The following ACAT1 variants were observed in gnomAD, a reference collection of about 807,000 sequenced individuals.
The protein encoded by ACAT1 is acetyl-CoA acetyltransferase, mitochondrial.
A neutral mutation model predicts 47.3 loss-of-function variants in ACAT1; 28 were observed. The observed-to-expected ratio is 0.59, with a 90% CI of 0.44 to 0.81. The LOEUF is 0.81. Among genes scored for constraint, ACAT1 ranks in the 30% least tolerant of loss-of-function variants. The probability of loss-of-function intolerance (pLI) is 0.00; values close to 1 mark genes in which losing one functional copy is unlikely to be tolerated. For missense variants in ACAT1, 469 were observed against 524.3 expected (o/e 0.89, Z 1.03); for synonymous variants, 181 against 173.6 (o/e 1.04, Z -0.34).
chr11:108,117,406 C>T (rs1864974273), upstream of ACAT1, among the ~76,000 whole-genome samples: 1 of 151,710 alleles, frequency 6.6e-6, no homozygotes, highest in Non-Finnish European at 1.5e-5. Context: ...CTCCTGGGTT[C>T]AAGCGATTCT....
upstream of ACAT1, among the ~76,000 whole-genome samples, chr11:108,121,116 G>A (rs184479475): frequency 2.0e-3 from 304 of 151,750 alleles, 1 homozygote; most frequent in African/African-American, 7.1e-3. Context: ...AGGGAGGATC[G>A]CTTGAGCCCT....
intron 1 of ACAT1, among the ~76,000 whole-genome samples, chr11:108,126,378 C>G (rs1488163096): frequency 2.6e-5 from 4 of 152,100 alleles, no homozygotes; most frequent in Admixed American, 2.0e-4. Context: ...CAAAGAGATG[C>G]CAGTGGCTGG....
At chr11:108,122,271 G>C (rs538640486) in intron 1 of ACAT1, among the ~76,000 whole-genome samples, 1 of 152,380 alleles carries the variant, frequency 6.6e-6, no homozygotes, top group South Asian at 2.1e-4. Context: ...GGCGTTCCAA[G>C]GGCTGTCGCT....
intron 9 of ACAT1, 82 bp from the exon 10 acceptor site, chr11:108,143,901 T>A (rs1421311843): frequency 2.6e-6 from 4 of 1,513,300 alleles, no homozygotes; most frequent in Non-Finnish European, 3.6e-6. Flanking sequence ...GTGCATTTAA[T>A]GGGCTAAACT....
chr11:108,144,449 G>A (rs1485361869), intron 10 of ACAT1, among the ~76,000 whole-genome samples: 17 of 152,126 alleles, frequency 1.1e-4, no homozygotes, highest in Admixed American at 1.1e-3. Context: ...GGTCTTCAGA[G>A]TAAATAGTAA....
At chr11:108,134,071 A>T in intron 3 of ACAT1, 134 bp downstream of exon 3, 4 of 1,154,440 alleles carry the variant, frequency 3.5e-6, no homozygotes, top group Non-Finnish European at 5.1e-6. Flanking sequence ...CTTGTAAAGA[A>T]GTCTTTGTAC....
chr11:108,136,255 G>A, intron 5 of ACAT1: 1 of 424,320 alleles, frequency 2.4e-6, no homozygotes, highest in Non-Finnish European at 4.2e-6. Context: ...GACAGTCATT[G>A]GAAATAGAGT....
At chr11:108,144,487 C>G (rs1353502455) in intron 10 of ACAT1, among the ~76,000 whole-genome samples, 1 of 151,990 alleles carries the variant, frequency 6.6e-6, no homozygotes, top group Non-Finnish European at 1.5e-5. Context: ...CTACATATTC[C>G]AAATTGTCAG....
At chr11:108,131,264 T>C (rs1014810941) in intron 1 of ACAT1, among the ~76,000 whole-genome samples, 3 of 151,638 alleles carry the variant, frequency 2.0e-5, no homozygotes, top group Middle Eastern at 6.8e-3. Flanking sequence ...AAAATGAAAA[T>C]ATCTTGTTAG....
At chr11:108,123,852 C>T (rs1390584299) in intron 1 of ACAT1, among the ~76,000 whole-genome samples, 1 of 152,044 alleles carries the variant, frequency 6.6e-6, no homozygotes, top group Non-Finnish European at 1.5e-5. Context: ...CTATATTTGA[C>T]ACTATTGACC....
At chr11:108,123,637 T>C (rs935272017) in intron 1 of ACAT1, among the ~76,000 whole-genome samples, 3 of 152,256 alleles carry the variant, frequency 2.0e-5, no homozygotes, top group African/African-American at 7.2e-5. Flanking sequence ...TAAATTTCTT[T>C]GCCACTGAAG....
Position 108,146,378 on chromosome 11 carries a change from T to G in ACAT1, c.1163+19T>G, listed in dbSNP as rs891943841. ...CAATTGGGTAGGTAAAAATAATAAC[T>G]ATATCTAGGTTAAGAGCTGCCTTTG... On this transcript the variant is annotated intron_variant, in intron 11 of 11. Coordinates refer to ENST00000265838, the MANE Select transcript of ACAT1 (RefSeq NM_000019.4). 2 of 1,612,136 alleles carry G rather than the reference T, an allele frequency of 1.2e-6. No homozygotes were observed. Among genetic ancestry groups the G allele is most frequent in the Admixed American group, 3.3e-5 (2 of 60,004 alleles).
intron 11 of ACAT1, 61 bp from the exon 12 acceptor site, chr11:108,147,209 C>T: frequency 1.3e-6 from 2 of 1,588,156 alleles, no homozygotes; most frequent in Non-Finnish European, 1.7e-6. Context: ...GGAATAGAAA[C>T]ATTTTGGTTA....
At chr11:108,142,834 C>A in intron 9 of ACAT1, 1 of 367,546 alleles carries the variant, frequency 2.7e-6, no homozygotes, top group East Asian at 5.7e-5. Context: ...GAGACCCTGT[C>A]TTAAAAAAAA....
intron 1 of ACAT1, among the ~76,000 whole-genome samples, chr11:108,131,422 G>T (rs2077358363): frequency 7.6e-6 from 1 of 131,398 alleles, no homozygotes. Context: ...CAGAATCTTG[G>T]CTCACTGCAA....
At chr11:108,137,433 C>T (rs149896880) in intron 5 of ACAT1, among the ~76,000 whole-genome samples, 183 of 152,272 alleles carry the variant, frequency 1.2e-3, no homozygotes, top group Non-Finnish European at 1.9e-3. Flanking sequence ...ATCAGACTTA[C>T]ATTCTAGCCA....
chr11:108,147,102 C>CAAGTCCTT (rs1386156784), intron 11 of ACAT1, among the ~76,000 whole-genome samples, 168 bp from the exon 12 acceptor site: 3 of 152,086 alleles, frequency 2.0e-5, no homozygotes, highest in African/African-American at 7.2e-5. Context: ...AGATCTGTGA[C>CAAGTCCTT]CCTTCCTGAA....
In ACAT1 at chr11:108,133,810, G is replaced by T; in HGVS notation, c.121-10G>T. 1.2e-6 allele frequency: 2 copies of T among 1,604,758 alleles called. No homozygotes were observed. The highest frequency in any genetic ancestry group is 1.7e-6 in the Non-Finnish European group (2 of 1,171,790). ...ATACCTATAATTTTTACCATCTTGT[G>T]TCTTGCCAGGAAGTGGTCATAGTAA... On this transcript the variant is annotated splice_polypyrimidine_tract_variant and intron_variant, in intron 2 of 11. Transcript: ENST00000265838.
rs2077486992 is a variant in ACAT1, at chr11:108,137,331, G to GC, written c.436-1567_436-1566insC. Among the ~76,000 whole-genome samples, 3 of 152,118 alleles carry GC rather than the reference G, an allele frequency of 2.0e-5. No homozygotes were observed. In the South Asian group the frequency reaches 6.2e-4, roughly 32 times the overall value. The stretch of plus-strand genomic sequence containing the variant: ...CTTTAACTAGTTCCATGTGACCTGA[G>GC]GTATAGGTTAGGCTGTGAGACTGAA... On this transcript the variant is annotated intron_variant, in intron 5 of 11. Transcript: ENST00000265838.
Sources: allele counts gnomAD v4.1 joint callset (sites outside exome capture counted in the v4.1 genomes callset), GRCh38; gene constraint gnomAD v4.1.1; transcripts MANE v1.5; gene names NCBI Gene and HGNC (gene_info 2026-07-23, HGNC 2026-07-21).